C3orf20: variants seen among roughly 807,000 people sequenced by gnomAD.
C3orf20 encodes the protein uncharacterized protein C3orf20.
A neutral mutation model predicts 88.3 loss-of-function variants in C3orf20; 76 were observed. The observed-to-expected ratio is 0.86, with a 90% confidence interval of 0.72 to 1.04. C3orf20 has a LOEUF of 1.04. Ranked by LOEUF, C3orf20 falls within the 50% of genes least tolerant of loss-of-function variation. C3orf20 has a pLI of 0.00. For synonymous variants in C3orf20, 436 were observed against 437.4 expected (o/e 1.00, Z 0.04); for missense variants, 1,056 against 1,123.3 (o/e 0.94, Z 0.86).
chr3:14,677,655 C>A (rs1227929765), intron 1 of C3orf20, among the ~76,000 whole-genome samples: 1 of 152,080 alleles, frequency 6.6e-6, no homozygotes, highest in Non-Finnish European at 1.5e-5. Context: ...TGCGCACCAG[C>A]ACACCTGGCT....
intron 12 of C3orf20, among the ~76,000 whole-genome samples, chr3:14,754,548 GGTT>G (rs1223636561): frequency 6.6e-6 from 1 of 152,106 alleles, no homozygotes; most frequent in Non-Finnish European, 1.5e-5. Context: ...GCATTCCTCT[GGTT>G]GTTGCAAGTT....
chr3:14,761,529 C>T lies in C3orf20; in HGVS notation c.2409C>T (p.Leu803=). ...FGGRVLNGYG[L]SKQNLLKQIF... The stretch of plus-strand genomic sequence containing the variant: ...GCCGTGTTTTGAATGGATATGGCCT[C>T]AGCAAGCAGAATCTGCTGAAACAGA... Residue 803 remains leucine (L), a synonymous_variant, in exon 15 of 17, where the codon CTC becomes CTT. Transcript: ENST00000253697. 1 of 1,614,070 alleles carries T rather than the reference C, an allele frequency of 6.2e-7. No individual in the cohort carries two copies. Among genetic ancestry groups the T allele is most frequent in the African/African-American group, 1.3e-5 (1 of 75,032 alleles).
At chr3:14,704,204 T>G in intron 6 of C3orf20, 133 bp from the exon 7 acceptor site, 1 of 877,862 alleles carries the variant, frequency 1.1e-6, no homozygotes, top group Non-Finnish European at 1.7e-6. Context: ...CGAGGGAGCA[T>G]GGGTTGGGGA....
intron 4 of C3orf20, among the ~76,000 whole-genome samples, chr3:14,687,597 C>T (rs1422245255): frequency 6.6e-6 from 1 of 152,214 alleles, no homozygotes; most frequent in African/African-American, 2.4e-5. Context: ...GTCTGTTGCA[C>T]GTGCATGAGA....
chr3:14,726,470 T>TA, intron 10 of C3orf20, among the ~76,000 whole-genome samples: 1 of 152,312 alleles, frequency 6.6e-6, no homozygotes, highest in African/African-American at 2.4e-5. Context: ...ATCGTCCACT[T>TA]ACTCACGAAT....
rs576982926 is a variant in C3orf20, at chr3:14,706,002, A to T, written c.1160+1384A>T. Among the ~76,000 whole-genome samples the T allele has an allele frequency of 1.8e-4, 28 of 152,178 alleles. No homozygotes were observed. The East Asian group carries it at 2.3e-3, about 13-fold the overall frequency. Reference sequence around the variant, plus strand: ...GCAGGGTAGAGGGAGATGGAAGTGGATCTCATTTTAATAATAAAATCACTG... The same window carrying T: ...GCAGGGTAGAGGGAGATGGAAGTGGTTCTCATTTTAATAATAAAATCACTG... On this transcript the variant is annotated intron_variant, in intron 7 of 16. Transcript: ENST00000253697.
intron 12 of C3orf20, among the ~76,000 whole-genome samples, chr3:14,746,989 C>G (rs1306398784): frequency 6.6e-6 from 1 of 152,194 alleles, no homozygotes; most frequent in Non-Finnish European, 1.5e-5. Flanking sequence ...AATGGGGGAA[C>G]TGGGAACTGG....
At chr3:14,686,307 A>C (rs1352035979) in intron 4 of C3orf20, among the ~76,000 whole-genome samples, 1 of 152,180 alleles carries the variant, frequency 6.6e-6, no homozygotes, top group Non-Finnish European at 1.5e-5. Flanking sequence ...AGGAGCGTAG[A>C]TATCTCTTTG....
Position 14,768,164 on chromosome 3 carries a change from G to C in C3orf20, c.2496-3903G>C, listed in dbSNP as rs1399005889. On this transcript the variant is annotated intron_variant, in intron 15 of 16. Coordinates refer to ENST00000253697, the MANE Select transcript of C3orf20 (RefSeq NM_032137.5). This position sits in a 1 kb window ranked among gnomAD's most constrained non-coding sequence, Gnocchi z 4.1. The stretch of plus-strand genomic sequence containing the variant: ...AAGAGACTAGGTGGAGGCAGGAGGG[G>C]TAGGCAGGGGAGTGGGGAGGGCACA... Among the ~76,000 whole-genome samples, 1 of 152,162 alleles carries C rather than the reference G, an allele frequency of 6.6e-6. No individual in the cohort carries two copies. The highest frequency in any genetic ancestry group is 1.5e-5 in the Non-Finnish European group (1 of 68,028).
chr3:14,761,600 A>C lies in C3orf20; in HGVS notation c.2480A>C (p.Asp827Ala), dbSNP rs2035565942. ...QDYKMGYFLP[D>A]DYKFSVPNSV... ...TACAAGATGGGCTACTTCCTGCCGG[A>C]TGACTACAAATTCAGGTAAAACAGG... Residue 827 changes from aspartate to alanine, a missense_variant, in exon 15 of 17, where the codon GAT becomes GCT. Asp to Ala is a moderately radical substitution (Grantham distance 126, BLOSUM62 -2). Transcript: ENST00000253697. 1 of 1,614,012 alleles carries C rather than the reference A, an allele frequency of 6.2e-7. No homozygotes were observed. The highest frequency in any genetic ancestry group is 8.5e-7 in the Non-Finnish European group (1 of 1,180,006).
chr3:14,689,416 G>C (rs921700089), intron 4 of C3orf20, among the ~76,000 whole-genome samples: 6 of 152,168 alleles, frequency 3.9e-5, no homozygotes, highest in African/African-American at 1.2e-4. Context: ...CGCCTAACCA[G>C]TGAAATGACT....
chr3:14,741,024 G>C lies in C3orf20; in HGVS notation c.1940+12336G>C, dbSNP rs533452665. On this transcript the variant is annotated intron_variant, in intron 12 of 16. Transcript: ENST00000253697. ...TTGACTTTGTATCTAATATTCTTTA[G>C]TATGCCAGATATTGTGTATGAAAAA... 9.2e-5 allele frequency among the ~76,000 whole-genome samples: 14 copies of C among 152,122 alleles called. No individual in the cohort carries two copies. The South Asian group carries it at 2.5e-3, about 27-fold the overall frequency.
At position 14,761,561 on chromosome 3, in the gene C3orf20, G is replaced by T. The variant is rs140063791; in HGVS notation, c.2441G>T (p.Arg814Leu). Residue 814 changes from arginine to leucine, a missense_variant, in exon 15 of 17, where the codon CGG (arginine) becomes CTG (leucine). Arg to Leu is a moderately radical substitution (Grantham distance 102). Coordinates refer to ENST00000253697, the MANE Select transcript of C3orf20 (RefSeq NM_032137.5). ...SKQNLLKQIFRSQQDYKMGYF... is the reference protein window; with the variant it reads ...SKQNLLKQIFLSQQDYKMGYF... ...CAGAATCTGCTGAAACAGATCTTCC[G>T]GTCTCAACAGGATTACAAGATGGGC... The T allele has an allele frequency of 2.5e-6, 4 of 1,613,848 alleles. No individual in the cohort carries two copies. The highest frequency in any genetic ancestry group is 3.4e-6 in the Non-Finnish European group (4 of 1,179,948).
In C3orf20 at chr3:14,772,290, GGC is replaced by G. The variant is rs1575171019; in HGVS notation, c.2630+91_2630+92del. The G allele has an allele frequency of 1.6e-5, 24 of 1,534,660 alleles. No individual in the cohort carries two copies. The East Asian group carries it at 5.4e-4, about 35-fold the overall frequency. On this transcript the variant is annotated intron_variant, in intron 16 of 16. Coordinates refer to ENST00000253697, the MANE Select transcript of C3orf20 (RefSeq NM_032137.5). The surrounding 1 kb of genome is among the most constrained non-coding windows in gnomAD (Gnocchi z 4.2). Reference sequence around the variant, plus strand: ...GGCCTTGGGCAAGTCACTACCCCCAGGCGTGGCCTGGGTCATGTCCAACCATC... The same window carrying G: ...GGCCTTGGGCAAGTCACTACCCCCAGGTGGCCTGGGTCATGTCCAACCATC...
chr3:14,764,029 A>G (rs1813957), intron 15 of C3orf20, among the ~76,000 whole-genome samples: 146,444 of 152,078 alleles, frequency 0.96, 70,574 homozygotes, highest in East Asian at 1. Flanking sequence ...CAAACTATAC[A>G]CATACATACA....
At chr3:14,710,647 C>T (rs2033699199) in intron 7 of C3orf20, among the ~76,000 whole-genome samples, 1 of 152,046 alleles carries the variant, frequency 6.6e-6, no homozygotes. Flanking sequence ...TGAATTTTCC[C>T]TATTTTCTTT....
At chr3:14,710,057 C>G (rs9880349) in intron 7 of C3orf20, among the ~76,000 whole-genome samples, 62,308 of 151,816 alleles carry the variant, frequency 0.41, 12,965 homozygotes, top group Middle Eastern at 0.47. Context: ...CTATATACTT[C>G]TATTTAGGTT....
At chr3:14,722,351 A>G (rs2034193516) in intron 10 of C3orf20, 1 of 406,278 alleles carries the variant, frequency 2.5e-6, no homozygotes, top group Admixed American at 2.6e-5. Context: ...GGCCAGGAGT[A>G]TGTATTGCTC....
intron 4 of C3orf20, among the ~76,000 whole-genome samples, chr3:14,689,068 T>C (rs977882713): frequency 3.3e-5 from 5 of 152,104 alleles, no homozygotes; most frequent in Non-Finnish European, 2.9e-5. Flanking sequence ...GGAGGGATCA[T>C]TGGAGCAGAG....
Sources: allele counts gnomAD v4.1 joint callset (sites outside exome capture counted in the v4.1 genomes callset), GRCh38; gene constraint gnomAD v4.1.1; non-coding constraint Gnocchi (gnomAD v3.1); transcripts MANE v1.5; gene names NCBI Gene and HGNC (gene_info 2026-07-23, HGNC 2026-07-21).